The following TPO variants were observed in gnomAD, a reference collection of about 807,000 sequenced individuals.
TPO encodes thyroid microsomal antigen.
Under a neutral mutation model 96.9 loss-of-function variants are expected in TPO, and 78 were observed. The observed-to-expected ratio is 0.81, with a 90% CI of 0.67 to 0.97. TPO has a LOEUF of 0.97. Among genes scored for constraint, TPO ranks in the 50% least tolerant of loss-of-function variants. The probability of loss-of-function intolerance (pLI) is 0.00; values close to 1 mark genes in which losing one functional copy is unlikely to be tolerated. For missense variants in TPO, 1,252 were observed against 1,274.8 expected, an observed-to-expected ratio of 0.98 and a Z score of 0.27; for synonymous variants, 547 against 538.0, an observed-to-expected ratio of 1.02 and a Z score of -0.23.
At chr2:1,402,254 G>A (rs1019544709) in intron 1 of TPO, among the ~76,000 whole-genome samples, 5 of 152,196 alleles carry the variant, frequency 3.3e-5, no homozygotes, top group South Asian at 2.1e-4. Flanking sequence ...CGGCATCCAC[G>A]GGAGGACTCC....
intron 15 of TPO, among the ~76,000 whole-genome samples, chr2:1,524,267 A>G: frequency 7.3e-6 from 1 of 137,886 alleles, no homozygotes; most frequent in Non-Finnish European, 1.5e-5. Context: ...AACCTCCTCA[A>G]ATCTCCTCAC....
intron 14 of TPO, among the ~76,000 whole-genome samples, chr2:1,508,490 A>G (rs1673720423): frequency 6.6e-6 from 1 of 152,300 alleles, no homozygotes; most frequent in South Asian, 2.1e-4. Flanking sequence ...CTCTGGTAGA[A>G]TTCGGCTGTG....
At chr2:1,529,328 A>C (rs1261324150) in intron 15 of TPO, among the ~76,000 whole-genome samples, 7 of 77,056 alleles carry the variant, frequency 9.1e-5, no homozygotes, top group Non-Finnish European at 4.6e-5. Flanking sequence ...CAACGTCCCC[A>C]AATTCCCCCA....
chr2:1,540,782 G>T (rs754528694), intron 16 of TPO, 59 bp downstream of exon 16: 1 of 1,612,910 alleles, frequency 6.2e-7, no homozygotes, highest in Non-Finnish European at 8.5e-7. Context: ...ACAGGATCTG[G>T]GTGTCGGAGC....
chr2:1,416,069 G>A (rs1437556097), intron 2 of TPO, among the ~76,000 whole-genome samples: 1 of 152,058 alleles, frequency 6.6e-6, no homozygotes, highest in Non-Finnish European at 1.5e-5. Context: ...TCCCTCCCCT[G>A]CAAATGGAGA....
At chr2:1,490,553 G>T (rs1671682709) in intron 10 of TPO, among the ~76,000 whole-genome samples, 1 of 151,614 alleles carries the variant, frequency 6.6e-6, no homozygotes, top group South Asian at 2.1e-4. Context: ...GAAGCCCACT[G>T]CATGTGTTAG....
chr2:1,470,889 T>C (rs1363652349), intron 7 of TPO, among the ~76,000 whole-genome samples: 2 of 152,234 alleles, frequency 1.3e-5, no homozygotes, highest in Admixed American at 6.5e-5. Flanking sequence ...TCCACTTCAC[T>C]TCATTATTGT....
intron 12 of TPO, 66 bp from the exon 13 acceptor site, chr2:1,496,529 G>T: frequency 6.2e-7 from 1 of 1,606,700 alleles, no homozygotes; most frequent in Admixed American, 1.7e-5. Context: ...CCCGTGACAG[G>T]GACGTTGGTG....
chr2:1,506,398 C>A (rs1444976449), intron 14 of TPO, among the ~76,000 whole-genome samples: 2 of 152,124 alleles, frequency 1.3e-5, no homozygotes, highest in Non-Finnish European at 2.9e-5. Context: ...GGTGTATACC[C>A]AGTAATGGGA....
intron 5 of TPO, among the ~76,000 whole-genome samples, chr2:1,446,459 A>G (rs1048163864): frequency 6.6e-6 from 1 of 152,096 alleles, no homozygotes. Flanking sequence ...GCCCTCACCA[A>G]TCCCCGTCAC....
intron 1 of TPO, among the ~76,000 whole-genome samples, chr2:1,401,564 G>T (rs1262058873): frequency 6.6e-6 from 1 of 151,974 alleles, no homozygotes; most frequent in Non-Finnish European, 1.5e-5. Flanking sequence ...ACCCAGCCAG[G>T]CCAGCTACAG....
chr2:1,385,744 G>C (rs1661883747), intron 1 of TPO, among the ~76,000 whole-genome samples: 1 of 151,254 alleles, frequency 6.6e-6, no homozygotes, highest in Non-Finnish European at 1.5e-5. Context: ...GTTATTTCTT[G>C]GCTTCTGCTA....
At chr2:1,408,397 C>T (rs576302593) in intron 1 of TPO, among the ~76,000 whole-genome samples, 6 of 152,320 alleles carry the variant, frequency 3.9e-5, no homozygotes, top group South Asian at 2.1e-4. Flanking sequence ...CCTGTTTTCA[C>T]GTGGGGAGAG....
chr2:1,447,766 A>G (rs531335108), intron 5 of TPO, among the ~76,000 whole-genome samples: 3 of 152,288 alleles, frequency 2.0e-5, no homozygotes, highest in South Asian at 4.2e-4. Context: ...TGTGTATATG[A>G]TATTTATTCA....
intron 1 of TPO, among the ~76,000 whole-genome samples, chr2:1,375,005 A>G (rs1661700502): frequency 1.3e-5 from 2 of 152,290 alleles, no homozygotes; most frequent in Non-Finnish European, 2.9e-5. Context: ...TTGGGATTAC[A>G]GGCATGAACC....
At chr2:1,519,462 C>T (rs1475241962) in intron 15 of TPO, among the ~76,000 whole-genome samples, 1 of 152,168 alleles carries the variant, frequency 6.6e-6, no homozygotes, top group Non-Finnish European at 1.5e-5. Context: ...GAATAATCAC[C>T]TACTCTCTCT....
intron 7 of TPO, among the ~76,000 whole-genome samples, chr2:1,473,274 C>T (rs1319914034): frequency 6.6e-6 from 1 of 152,128 alleles, no homozygotes; most frequent in African/African-American, 2.4e-5. Context: ...AGTCTGGGTG[C>T]GTTTTATTCC....
At chr2:1,394,405 C>A (rs1223394513) in intron 1 of TPO, among the ~76,000 whole-genome samples, 1 of 152,188 alleles carries the variant, frequency 6.6e-6, no homozygotes, top group African/African-American at 2.4e-5. Context: ...CCTTGATCTG[C>A]CAAGACCTCA....
intron 1 of TPO, 172 bp downstream of exon 1, chr2:1,413,717 G>A (rs1662590305): frequency 2.0e-6 from 2 of 985,202 alleles, no homozygotes; most frequent in Non-Finnish European, 1.2e-6. Context: ...GACCTCCGCT[G>A]GAACATGTGA....
Sources: allele counts gnomAD v4.1 joint callset (sites outside exome capture counted in the v4.1 genomes callset), GRCh38; gene constraint gnomAD v4.1.1; transcripts MANE v1.5; gene names NCBI Gene and HGNC (gene_info 2026-07-23, HGNC 2026-07-21).